The following TNRC18 variants were observed in gnomAD, a reference collection of about 807,000 sequenced individuals.
The protein encoded by TNRC18 is trinucleotide repeat containing 18.
A neutral mutation model predicts 226.7 loss-of-function variants in TNRC18; 69 were observed. The ratio of observed to expected loss-of-function variants is 0.30; its 90% CI spans 0.25 to 0.37. TNRC18 has a LOEUF of 0.37. TNRC18 is among the 10% of genes least tolerant of loss of function. The pLI is 1.00. For missense variants in TNRC18, 4,754 were observed against 4,256.6 expected (o/e 1.12, Z -3.25); for synonymous variants, 2,449 against 1,927.6 (o/e 1.27, Z -7.09).
chr7:5,310,904 G>C (rs572575946), intron 27 of TNRC18, among the ~76,000 whole-genome samples: 23 of 152,300 alleles, frequency 1.5e-4, no homozygotes, highest in African/African-American at 5.3e-4. Flanking sequence ...CTGTGCATTT[G>C]TGCACGTGTT....
intron 16 of TNRC18, among the ~76,000 whole-genome samples, chr7:5,356,442 C>CT (rs1056577989): frequency 1.3e-5 from 2 of 152,234 alleles, no homozygotes. Flanking sequence ...TCCGCCAACA[C>CT]TTCGCGACAA....
At chr7:5,335,299 C>T (rs71529396) in intron 18 of TNRC18, among the ~76,000 whole-genome samples, 4 of 12,166 alleles carry the variant, frequency 3.3e-4, no homozygotes, top group South Asian at 1.8e-3. Context: ...GAGAATCTGT[C>T]TCAAAAAAAA....
rs750620743 is a variant in TNRC18 at position 5,394,618 on chromosome 7, C to T, written c.188-23G>A. ...CGCCTGCAGAGAGAAGTTGGGAGGACCGTCAGGCAGACAACCAGGGAGGCG... is the reference window on the plus strand; with the variant it reads ...CGCCTGCAGAGAGAAGTTGGGAGGATCGTCAGGCAGACAACCAGGGAGGCG... On this transcript the variant is annotated intron_variant, in intron 2 of 29. Transcript: ENST00000430969. This position sits in a 1 kb window ranked among gnomAD's most constrained non-coding sequence, Gnocchi z 4.5. The T allele has an allele frequency of 3.3e-6, 5 of 1,532,144 alleles. No individual in the cohort carries two copies. The South Asian group carries it at 6.1e-5, about 19-fold the overall frequency. The allele number at this position is 1,532,144 out of a possible 1,614,324, so 94.9% of individuals were successfully genotyped here.
Position 5,388,007 on chromosome 7 carries a change from C to A in TNRC18, c.1817G>T (p.Gly606Val). The A allele has an allele frequency of 6.3e-7, 1 of 1,582,994 alleles. No homozygotes were observed. The change falls in exon 5 of 30, where the codon GGC (glycine) becomes GTC (valine). Residue 606 changes from glycine (G) to valine (V), a missense_variant. Transcript: ENST00000430969. ...TCCAAAGGGGCTCTTCTTGCCACAG[C>A]CACCAGGGCGCACGGCCACGGCGTC... The part of the protein sequence containing the change: ...ARDAVAVRPG[G>V]CGKKSPFGGL...
At chr7:5,339,790 G>A (rs62443183) in intron 18 of TNRC18, among the ~76,000 whole-genome samples, 48,058 of 147,896 alleles carry the variant, frequency 0.32, 9,087 homozygotes, top group East Asian at 0.64. Flanking sequence ...GGCTGGTCTC[G>A]AACTCCTGAC....
rs777051363 is a variant in TNRC18, at chr7:5,371,061, G to C, written c.3533C>G (p.Pro1178Arg). The C allele has an allele frequency of 6.2e-7, 1 of 1,610,942 alleles. No individual in the cohort carries two copies. The change falls in exon 11 of 30, where the codon CCG becomes CGG. Residue 1178 changes from proline to arginine, a missense_variant. Physicochemically the swap from Pro to Arg is moderately radical, Grantham distance 103 (BLOSUM62 -2). Transcript: ENST00000430969. ...GGCTTCCGCGGCGGGCAGTGGCAGC[G>C]GCGACTCCAGAGGCGGCAGCTCTGT... ...GPTELPPLESPLPLPAAEAMA... is the reference protein window; with the variant it reads ...GPTELPPLESRLPLPAAEAMA...
chr7:5,388,948 C>T lies in TNRC18; in HGVS notation c.876G>A (p.Gly292=), dbSNP rs1485251330. Residue 292 remains glycine, a synonymous_variant, in exon 5 of 30, where the codon GGG becomes GGA. Transcript: ENST00000430969. ...CCGCTTCGGCCACCAGCGCGGGCAG[C>T]CCCACGTCCCCGGCGCCGCCGTTGC... ...TMCNGGAGDV[G]LPALVAEAGR... 1.2e-5 allele frequency: 16 copies of T among 1,385,492 alleles called. No homozygotes were observed. The highest frequency in any genetic ancestry group is 3.2e-5 in the Admixed American group (1 of 30,886). 85.8% of individuals were successfully genotyped at this position (1,385,492 alleles called of 1,614,324 possible). A position where few individuals can be genotyped will look rare whatever the true frequency, so the allele number is the denominator to read the frequency against.
intron 16 of TNRC18, among the ~76,000 whole-genome samples, chr7:5,356,611 A>T (rs1260621777): frequency 6.6e-6 from 1 of 152,186 alleles, no homozygotes; most frequent in Non-Finnish European, 1.5e-5. Context: ...CGGTAGGCAA[A>T]TGGCGGGCGG....
chr7:5,420,329 C>T (rs772864131), intron 2 of TNRC18: 5 of 454,642 alleles, frequency 1.1e-5, no homozygotes, highest in East Asian at 7.0e-5. Flanking sequence ...CTCTTCTTTC[C>T]CCCTAGGTTC....
At chr7:5,374,569 C>A (rs1054347839) in intron 9 of TNRC18, 85 bp from the exon 10 acceptor site, 1 of 1,389,656 alleles carries the variant, frequency 7.2e-7, no homozygotes, top group Non-Finnish European at 9.5e-7. Context: ...CCCCAAGGGT[C>A]CCCGAGTCCG....
At chr7:5,322,987 G>T (rs1214166441) in intron 21 of TNRC18, among the ~76,000 whole-genome samples, 5 of 152,160 alleles carry the variant, frequency 3.3e-5, no homozygotes, top group Non-Finnish European at 5.9e-5. Context: ...TAAGCCACGG[G>T]TCTGGCAGGA....
At chr7:5,350,323 T>A (rs1282140273) in intron 17 of TNRC18, among the ~76,000 whole-genome samples, 5 of 151,368 alleles carry the variant, frequency 3.3e-5, no homozygotes, top group Non-Finnish European at 7.4e-5. Flanking sequence ...ATCGTACTCC[T>A]CGCCATACCA....
chr7:5,326,233 C>T (rs1260660572), intron 19 of TNRC18, among the ~76,000 whole-genome samples: 3 of 151,922 alleles, frequency 2.0e-5, no homozygotes, highest in African/African-American at 4.8e-5. Context: ...CAGACACAAC[C>T]ATGCACACAC....
chr7:5,359,350 G>A (rs1208676345), intron 15 of TNRC18, 48 bp downstream of exon 15: 2 of 1,604,348 alleles, frequency 1.2e-6, no homozygotes, highest in East Asian at 4.5e-5. Flanking sequence ...ACACCCTCCA[G>A]ACACCTCCCT....
In TNRC18 at chr7:5,313,543, C is replaced by A. The variant is rs776731384; in HGVS notation, c.7348G>T (p.Gly2450Cys). 8.7e-6 allele frequency: 14 copies of A among 1,610,546 alleles called. No individual in the cohort carries two copies. In the East Asian group the frequency reaches 3.1e-4, roughly 36 times the overall value. Residue 2450 changes from glycine (G) to cysteine (C), a missense_variant, in exon 27 of 30, where the codon GGC (glycine) becomes TGC (cysteine). Physicochemically the swap from Gly to Cys is radical, Grantham distance 159 (BLOSUM62 -3). Coordinates refer to ENST00000430969, the MANE Select transcript of TNRC18 (RefSeq NM_001080495.3). The stretch of plus-strand genomic sequence containing the variant: ...GCCTCCTCCCCCGGCCTCCGAGGGC[C>A]CTTGGCACCCGACTCCTCGGCTGCC... ...ARAAEESGAK[G>C]PRRPGEEAEL... is the part of the protein sequence containing the mutation.
chr7:5,386,690 C>T (rs1050751379), intron 5 of TNRC18, among the ~76,000 whole-genome samples: 3 of 151,962 alleles, frequency 2.0e-5, no homozygotes, highest in Admixed American at 1.3e-4. Flanking sequence ...GTCAAGGCTA[C>T]GGTAAGCTAT....
At chr7:5,318,402 C>T (rs1334127245) in intron 24 of TNRC18, among the ~76,000 whole-genome samples, 4 of 152,016 alleles carry the variant, frequency 2.6e-5, no homozygotes, top group East Asian at 1.9e-4. Context: ...GAAAATCTCT[C>T]CATAAGTTGA....
At chr7:5,315,918 C>G (rs371613923) in intron 25 of TNRC18, 38 bp downstream of exon 25, 175 of 1,497,084 alleles carry the variant, frequency 1.2e-4, no homozygotes, top group Non-Finnish European at 1.9e-5. Flanking sequence ...GTGGGCGGCC[C>G]CTGGCAGGAG....
At chr7:5,328,365 G>A (rs140453929) in intron 19 of TNRC18, among the ~76,000 whole-genome samples, 11 of 152,002 alleles carry the variant, frequency 7.2e-5, no homozygotes, top group South Asian at 2.1e-4. Context: ...CCATCTGCAC[G>A]AAAATAATTT....
Sources: allele counts gnomAD v4.1 joint callset (sites outside exome capture counted in the v4.1 genomes callset), GRCh38; gene constraint gnomAD v4.1.1; non-coding constraint Gnocchi (gnomAD v3.1); transcripts MANE v1.5; gene names NCBI Gene and HGNC (gene_info 2026-07-23, HGNC 2026-07-21).